Variants in RTN4RL1 observed in about 807,000 individuals in gnomAD.
RTN4RL1 encodes reticulon-4 receptor-like 1.
In RTN4RL1, 7 loss-of-function variants were observed where a neutral mutation model predicts 25.6. The ratio of observed to expected loss-of-function variants is 0.27; its 90% CI spans 0.16 to 0.51. The LOEUF (loss-of-function observed/expected upper bound fraction) is 0.51, where lower values mean the gene tolerates loss of function less well. Among genes scored for constraint, RTN4RL1 ranks in the 20% least tolerant of loss-of-function variants. RTN4RL1 has a pLI of 0.97. For synonymous variants in RTN4RL1, 297 were observed against 288.2 expected, an observed-to-expected ratio of 1.03 and a Z score of -0.31; for missense variants, 500 against 615.6, an observed-to-expected ratio of 0.81 and a Z score of 1.99.
intron 1 of RTN4RL1, among the ~76,000 whole-genome samples, chr17:1,970,547 C>A (rs550039140): frequency 6.6e-6 from 1 of 152,160 alleles, no homozygotes; most frequent in Non-Finnish European, 1.5e-5. Flanking sequence ...GTGGGACAGG[C>A]GTGGCAGGAG....
At chr17:1,967,317 C>A (rs532811859) in intron 1 of RTN4RL1, among the ~76,000 whole-genome samples, 1 of 152,184 alleles carries the variant, frequency 6.6e-6, no homozygotes, top group African/African-American at 2.4e-5. Context: ...TGGATTCCGC[C>A]GGAGGCCAAG....
Position 1,936,614 on chromosome 17 carries a change from T to C in RTN4RL1, c.1208A>G (p.Lys403Arg). The stretch of plus-strand genomic sequence containing the variant: ...ACGGATGGGGGTCCTGCGGGCACAC[T>C]TGCCCTTCCTCTTGGGCCGGGCCGT... ...MPTARPKRKG[K>R]CARRTPIRAP... is the part of the protein sequence containing the mutation. Residue 403 changes from lysine to arginine, a missense_variant, in exon 2 of 2, where the codon AAG becomes AGG. Lys to Arg is a conservative substitution (Grantham distance 26, BLOSUM62 2). Coordinates refer to ENST00000331238, the MANE Select transcript of RTN4RL1 (RefSeq NM_178568.4). The C allele has an allele frequency of 1.3e-6, 2 of 1,592,490 alleles. No homozygotes were observed. The highest frequency in any genetic ancestry group is 1.7e-6 in the Non-Finnish European group (2 of 1,170,308).
At chr17:2,002,190 T>G (rs2066962359) in intron 1 of RTN4RL1, among the ~76,000 whole-genome samples, 1 of 152,058 alleles carries the variant, frequency 6.6e-6, no homozygotes, top group Admixed American at 6.6e-5. Context: ...CTGCAAGGAC[T>G]GTCTTCCTTC....
chr17:1,963,563 C>T (rs996120157), intron 1 of RTN4RL1, among the ~76,000 whole-genome samples: 3 of 152,180 alleles, frequency 2.0e-5, no homozygotes, highest in African/African-American at 4.8e-5. Flanking sequence ...CTTTGCCACT[C>T]GGCACCCCAT....
chr17:2,004,107 G>A (rs77559614), intron 1 of RTN4RL1, among the ~76,000 whole-genome samples: 10,011 of 150,374 alleles, frequency 0.067, 361 homozygotes, highest in Middle Eastern at 0.11. Flanking sequence ...GGTGGCTCAC[G>A]CCTGTAATCC....
intron 1 of RTN4RL1, among the ~76,000 whole-genome samples, chr17:2,015,285 C>T (rs970138714): frequency 5.9e-5 from 9 of 152,018 alleles, no homozygotes; most frequent in Non-Finnish European, 8.8e-5. Flanking sequence ...GGGGAAATTG[C>T]GGAAGAGGCA....
At chr17:1,944,745 C>T (rs1915504814) in intron 1 of RTN4RL1, among the ~76,000 whole-genome samples, 1 of 152,204 alleles carries the variant, frequency 6.6e-6, no homozygotes, top group Admixed American at 6.5e-5. Context: ...GCATGAGCCA[C>T]CGTGCCCGGC....
In RTN4RL1 at chr17:2,010,729, A is replaced by AAAAC. The variant is rs141843187; in HGVS notation, c.13+14120_13+14123dup. ...CACACCATCATGCCTGGCTAATTAAAAAACAAACAAACAAACAAACAAACA... is the reference window on the plus strand; with the variant it reads ...CACACCATCATGCCTGGCTAATTAAAAAACAAACAAACAAACAAACAAACAAACA... On this transcript the variant is annotated intron_variant, in intron 1 of 1. Transcript: ENST00000331238. Among the ~76,000 whole-genome samples, 668 of 150,838 alleles carry AAAAC rather than the reference A, an allele frequency of 4.4e-3. 5 individuals carry two copies. Among genetic ancestry groups the AAAAC allele is most frequent in the Middle Eastern group, 0.014 (4 of 294 alleles).
chr17:2,017,397 G>A (rs926768905), intron 1 of RTN4RL1, among the ~76,000 whole-genome samples: 1 of 152,204 alleles, frequency 6.6e-6, no homozygotes, highest in African/African-American at 2.4e-5. Flanking sequence ...GACATGTCAC[G>A]AGTCGTGCCC....
chr17:1,997,174 C>T (rs2066933030), intron 1 of RTN4RL1, among the ~76,000 whole-genome samples: 1 of 152,268 alleles, frequency 6.6e-6, no homozygotes, highest in Admixed American at 6.5e-5. Flanking sequence ...ATCCAAACTC[C>T]TCCGTGGCCC....
intron 1 of RTN4RL1, among the ~76,000 whole-genome samples, chr17:1,988,737 C>G (rs7209063): frequency 0.5 from 75,350 of 151,826 alleles, 19,004 homozygotes; most frequent in Middle Eastern, 0.54. Flanking sequence ...CTGGAAGGCT[C>G]AGGACCACTT....
chr17:2,014,688 C>T (rs1464686505), intron 1 of RTN4RL1, among the ~76,000 whole-genome samples: 3 of 151,982 alleles, frequency 2.0e-5, no homozygotes, highest in Admixed American at 6.6e-5. Context: ...AAAAATTAGC[C>T]GGGTGTGGTG....
intron 1 of RTN4RL1, among the ~76,000 whole-genome samples, chr17:1,980,804 T>C (rs2066863925): frequency 1.3e-5 from 2 of 151,114 alleles, no homozygotes. Flanking sequence ...TGGTGTAGCC[T>C]GTAATCCCAG....
At chr17:1,953,364 C>T (rs997011914) in intron 1 of RTN4RL1, among the ~76,000 whole-genome samples, 4 of 151,978 alleles carry the variant, frequency 2.6e-5, no homozygotes, top group Non-Finnish European at 5.9e-5. Context: ...CATGATTACA[C>T]CACTGTACTC....
chr17:2,003,781 A>G (rs973014707), intron 1 of RTN4RL1: 6 of 152,414 alleles, frequency 3.9e-5, no homozygotes, highest in African/African-American at 1.4e-4. Context: ...AGCAAGAAGC[A>G]GTGTCTTGGC....
chr17:1,984,185 C>T (rs906336096), intron 1 of RTN4RL1, among the ~76,000 whole-genome samples: 3 of 152,142 alleles, frequency 2.0e-5, no homozygotes, highest in Admixed American at 6.5e-5. Context: ...TGGATATTCT[C>T]CCCCCTAAAA....
chr17:1,939,573 G>A (rs1316751383), intron 1 of RTN4RL1, among the ~76,000 whole-genome samples: 1 of 152,054 alleles, frequency 6.6e-6, no homozygotes, highest in Admixed American at 6.6e-5. Flanking sequence ...TGCAAAACCA[G>A]GCCTTGCCTC....
intron 1 of RTN4RL1, among the ~76,000 whole-genome samples, chr17:1,961,407 C>T (rs547407513): frequency 5.9e-5 from 9 of 152,278 alleles, no homozygotes; most frequent in South Asian, 4.1e-4. Flanking sequence ...ACAGCAGTCA[C>T]GGTAGGAGTC....
At chr17:1,988,384 A>G (rs1379364172) in intron 1 of RTN4RL1, among the ~76,000 whole-genome samples, 12 of 144,336 alleles carry the variant, frequency 8.3e-5, no homozygotes, top group Admixed American at 2.8e-4. Flanking sequence ...CAGCCTGGTG[A>G]CAGAGCAAGA....
Sources: gnomAD v4.1 joint callset for allele counts (sites outside exome capture counted in the v4.1 genomes callset) on GRCh38, gnomAD v4.1.1 for gene constraint, MANE v1.5 for transcripts, NCBI Gene and HGNC (gene_info 2026-07-23, HGNC 2026-07-21) for gene names.